NFATC3: variants seen among roughly 807,000 people sequenced by gnomAD.
NFATC3 encodes the protein nuclear factor of activated T cells 3.
A neutral mutation model predicts 98.6 loss-of-function variants in NFATC3; 46 were observed. The observed-to-expected ratio is 0.47, with a 90% CI of 0.37 to 0.60. The LOEUF is 0.60. NFATC3 is among the 20% of genes least tolerant of loss of function. The pLI is 0.00. For missense variants in NFATC3, 1,256 were observed against 1,295.5 expected (o/e 0.97, Z 0.47); for synonymous variants, 512 against 472.2 (o/e 1.08, Z -1.09).
At chr16:68,089,317 G>A (rs1419567876) in intron 1 of NFATC3, 16 of 968,648 alleles carry the variant, frequency 1.7e-5, no homozygotes, top group Non-Finnish European at 2.0e-5. Context: ...GCTTAATAAT[G>A]TTGTATGTTG....
chr16:68,109,687 G>A (rs901724433), intron 1 of NFATC3, among the ~76,000 whole-genome samples: 3 of 152,160 alleles, frequency 2.0e-5, no homozygotes, highest in African/African-American at 7.2e-5. Flanking sequence ...GAATTCAGCT[G>A]TAAATCTTTC....
chr16:68,203,933 A>G (rs1162270314), intron 9 of NFATC3, among the ~76,000 whole-genome samples: 1 of 152,122 alleles, frequency 6.6e-6, no homozygotes. Flanking sequence ...CATGATTGCA[A>G]TCCCAGCACT....
At chr16:68,197,619 G>A (rs2040731504) in intron 9 of NFATC3, among the ~76,000 whole-genome samples, 1 of 152,206 alleles carries the variant, frequency 6.6e-6, no homozygotes, top group Admixed American at 6.5e-5. Context: ...GAACATACCA[G>A]AAAGGATTGA....
chr16:68,207,181 G>A (rs767594125), intron 9 of NFATC3, among the ~76,000 whole-genome samples: 2 of 151,636 alleles, frequency 1.3e-5, no homozygotes, highest in African/African-American at 2.4e-5. Flanking sequence ...ATGGTGGTGG[G>A]CGCCTGTAAT....
intron 4 of NFATC3, among the ~76,000 whole-genome samples, chr16:68,165,545 C>T (rs1319889193): frequency 1.3e-5 from 2 of 151,886 alleles, no homozygotes; most frequent in Admixed American, 6.6e-5. Context: ...TACAGGCACA[C>T]GCCACCATGC....
intron 3 of NFATC3, among the ~76,000 whole-genome samples, chr16:68,136,676 C>T (rs755463050): frequency 5.9e-5 from 9 of 152,054 alleles, no homozygotes; most frequent in Non-Finnish European, 1.2e-4. Flanking sequence ...CATCACTGGG[C>T]GATTTCCTTG....
intron 1 of NFATC3, among the ~76,000 whole-genome samples, chr16:68,093,500 T>C (rs1220445169): frequency 6.6e-6 from 1 of 152,176 alleles, no homozygotes. Context: ...TACATTTCCT[T>C]CTTGTGGATT....
intron 3 of NFATC3, among the ~76,000 whole-genome samples, chr16:68,137,817 C>T (rs903712364): frequency 4.0e-5 from 6 of 151,844 alleles, no homozygotes; most frequent in African/African-American, 9.7e-5. Context: ...GGGGTTTCAC[C>T]GTGTTAGCCA....
intron 1 of NFATC3, among the ~76,000 whole-genome samples, chr16:68,116,570 TATC>T (rs774671001): frequency 1.3e-5 from 2 of 152,322 alleles, no homozygotes; most frequent in South Asian, 4.1e-4. Context: ...TAGCTGCTTA[TATC>T]ATTTCCAGAG....
chr16:68,088,488 A>AATATATAAATATATATTTTATATATT (rs1419932860), intron 1 of NFATC3, among the ~76,000 whole-genome samples: 1 of 144,086 alleles, frequency 6.9e-6, no homozygotes, highest in African/African-American at 2.5e-5. Context: ...TAGTGTATAT[A>AATATATAAATATATATTTTATATATT]ATATATATTT....
chr16:68,167,810 C>A lies in NFATC3; in HGVS notation c.1774+795C>A, dbSNP rs187110451. On this transcript the variant is annotated intron_variant, in intron 5 of 9. Coordinates refer to ENST00000346183, the MANE Select transcript of NFATC3 (RefSeq NM_173165.3). ...TTTATATCTGTTAACCGTATGTGTT[C>A]TTTTTTTTTTTTTTTTTTTTTTTTT... 1.3e-4 allele frequency among the ~76,000 whole-genome samples: 3 copies of A among 23,918 alleles called. No homozygotes were observed. In the East Asian group the frequency reaches 5.6e-3, roughly 45 times the overall value. 15.7% of individuals were successfully genotyped at this position (23,918 alleles called of 152,430 possible).
chr16:68,197,440 T>C (rs577255433), intron 9 of NFATC3, among the ~76,000 whole-genome samples: 1 of 152,316 alleles, frequency 6.6e-6, no homozygotes, highest in Admixed American at 6.5e-5. Context: ...CATGCCATCA[T>C]GCCCTGCTAA....
intron 1 of NFATC3, among the ~76,000 whole-genome samples, chr16:68,114,698 C>T (rs1032107353): frequency 6.6e-6 from 1 of 151,880 alleles, no homozygotes; most frequent in Non-Finnish European, 1.5e-5. Flanking sequence ...CCTCAGCCTC[C>T]CAAGTAGCTG....
intron 4 of NFATC3, among the ~76,000 whole-genome samples, chr16:68,164,530 C>G (rs892522459): frequency 6.6e-6 from 1 of 152,196 alleles, no homozygotes; most frequent in African/African-American, 2.4e-5. Flanking sequence ...ATTGCCTTAG[C>G]TCTTTGCAGC....
chr16:68,189,862 G>A (rs922372515), intron 8 of NFATC3, among the ~76,000 whole-genome samples: 2 of 151,992 alleles, frequency 1.3e-5, no homozygotes, highest in African/African-American at 4.8e-5. Flanking sequence ...GTGGAAGTCC[G>A]AGACCAGCCT....
intron 3 of NFATC3, among the ~76,000 whole-genome samples, chr16:68,137,635 A>G (rs1366927021): frequency 7.1e-6 from 1 of 140,002 alleles, no homozygotes; most frequent in East Asian, 2.1e-4. Context: ...TTTTTTTTTG[A>G]AACAGTCTTG....
chr16:68,165,940 A>G (rs1189438990), intron 4 of NFATC3, among the ~76,000 whole-genome samples: 1 of 152,262 alleles, frequency 6.6e-6, no homozygotes, highest in Non-Finnish European at 1.5e-5. Context: ...CTGCCACAAT[A>G]GTGTGTTAAA....
chr16:68,120,421 T>C (rs750202889), intron 1 of NFATC3, among the ~76,000 whole-genome samples: 4 of 150,940 alleles, frequency 2.7e-5, no homozygotes, highest in Non-Finnish European at 4.4e-5. Flanking sequence ...CTACTAAAAA[T>C]AACAAAAATT....
intron 2 of NFATC3, among the ~76,000 whole-genome samples, chr16:68,125,452 G>A (rs368624643): frequency 2.6e-5 from 4 of 152,244 alleles, no homozygotes; most frequent in Non-Finnish European, 4.4e-5. Context: ...CTGGAGTGAC[G>A]GGTTGTTTTC....
Sources: gnomAD v4.1 joint callset for allele counts (sites outside exome capture counted in the v4.1 genomes callset) on GRCh38, gnomAD v4.1.1 for gene constraint, MANE v1.5 for transcripts, NCBI Gene and HGNC (gene_info 2026-07-23, HGNC 2026-07-21) for gene names.